The following TMPRSS11A variants were observed in gnomAD, a reference collection of about 807,000 sequenced individuals.
The protein encoded by TMPRSS11A is transmembrane protease serine 11A.
A neutral mutation model predicts 58.9 loss-of-function variants in TMPRSS11A; 53 were observed. The ratio of observed to expected loss-of-function variants is 0.90; its 90% CI spans 0.72 to 1.13. The LOEUF (loss-of-function observed/expected upper bound fraction) is 1.13. Ranked by LOEUF, TMPRSS11A falls within the 50% of genes most tolerant of loss-of-function variation. TMPRSS11A has a pLI of 0.00. For missense variants in TMPRSS11A, 493 were observed against 499.3 expected (o/e 0.99, Z 0.12); for synonymous variants, 167 against 169.8 (o/e 0.98, Z 0.13).
rs1349430374 is a variant in TMPRSS11A, at chr4:67,919,211, C to T, written c.714G>A (p.Trp238Ter). 2.5e-6 allele frequency: 4 copies of T among 1,613,784 alleles called. No individual in the cohort carries two copies. The highest frequency in any genetic ancestry group is 2.2e-5 in the East Asian group (1 of 44,880). Reference sequence around the variant, plus strand: ...TGATTTTTGTTCCAAAACTAACAGTCCATTGATGTGGATTTTTATACCTGG... The same window carrying T: ...TGATTTTTGTTCCAAAACTAACAGTTCATTGATGTGGATTTTTATACCTGG... ...CFQKYKNPHQ[W>*]TVSFGTKINP... Residue 238 changes from tryptophan (W) to a stop codon, truncating the protein, a stop_gained, in exon 8 of 10, where the codon TGG (tryptophan) becomes TGA (stop). Coordinates refer to ENST00000508048, the MANE Select transcript of TMPRSS11A (RefSeq NM_001114387.2). LOFTEE classifies it high-confidence loss of function.
intron 5 of TMPRSS11A, among the ~76,000 whole-genome samples, chr4:67,927,361 C>T (rs377645110): frequency 1.3e-5 from 2 of 152,218 alleles, no homozygotes; most frequent in Non-Finnish European, 2.9e-5. Flanking sequence ...GGTGCCACCA[C>T]ATTCCCAGGT....
intron 8 of TMPRSS11A, among the ~76,000 whole-genome samples, chr4:67,915,274 A>G (rs1720116715): frequency 6.6e-6 from 1 of 152,196 alleles, no homozygotes; most frequent in Non-Finnish European, 1.5e-5. Flanking sequence ...TGGTGGCTGC[A>G]GACTGTAAGC....
intron 1 of TMPRSS11A, among the ~76,000 whole-genome samples, chr4:67,947,133 TA>T (rs1721036058): frequency 6.6e-6 from 1 of 152,140 alleles, no homozygotes; most frequent in Non-Finnish European, 1.5e-5. Flanking sequence ...TAATGTGAAA[TA>T]AAACATCGTG....
In TMPRSS11A at chr4:67,909,495, A is replaced by G. The variant is rs562878146; in HGVS notation, c.*1847T>C. On this transcript the variant is annotated 3_prime_UTR_variant, in exon 10 of 10. Coordinates refer to ENST00000508048, the MANE Select transcript of TMPRSS11A (RefSeq NM_001114387.2). ...TGCACCAAATAGTTTAAAAATACAA[A>G]GTTCATAATTCTAAGATCATTTCCT... is the stretch of plus-strand genomic sequence containing the variant. The G allele has an allele frequency of 2.6e-5, 4 of 152,266 alleles. No homozygotes were observed. The East Asian group carries it at 7.7e-4, about 29-fold the overall frequency. The allele number at this position is 152,266 out of a possible 1,614,324, so 9.4% of individuals were successfully genotyped here.
At chr4:67,913,805 G>C (rs1320314221) in intron 9 of TMPRSS11A, among the ~76,000 whole-genome samples, 4 of 152,194 alleles carry the variant, frequency 2.6e-5, no homozygotes, top group Non-Finnish European at 4.4e-5. Context: ...TGGGACTCTG[G>C]ACAGGACTTT....
chr4:67,946,085 A>G (rs7654937), intron 2 of TMPRSS11A, among the ~76,000 whole-genome samples: 144,813 of 152,178 alleles, frequency 0.95, 69,349 homozygotes, highest in East Asian at 1. Flanking sequence ...ATTTATCATA[A>G]CTTTTCATTT....
At chr4:67,927,128 A>G (rs1720493615) in intron 5 of TMPRSS11A, among the ~76,000 whole-genome samples, 1 of 152,158 alleles carries the variant, frequency 6.6e-6, no homozygotes, top group Non-Finnish European at 1.5e-5. Flanking sequence ...TGCATACCTC[A>G]TTCTTCTTGG....
intron 4 of TMPRSS11A, among the ~76,000 whole-genome samples, chr4:67,930,959 T>C (rs1720601629): frequency 6.6e-6 from 1 of 151,866 alleles, no homozygotes; most frequent in African/African-American, 2.4e-5. Flanking sequence ...TCTAAATAAC[T>C]AGAATTTTAT....
chr4:67,914,656 A>G lies in TMPRSS11A; in HGVS notation c.1027T>C (p.Tyr343His). Reference protein sequence around the residue: ...SDDVCKQPQVYGNDIKPGMFC... With the variant: ...SDDVCKQPQVHGNDIKPGMFC... ...ATTCCAGGTTTTATATCATTGCCAT[A>G]CACCTGTGGTTGCTTGCAGACATCA... Residue 343 changes from tyrosine to histidine, a missense_variant, in exon 9 of 10, where the codon TAT becomes CAT. Coordinates refer to ENST00000508048, the MANE Select transcript of TMPRSS11A (RefSeq NM_001114387.2). 6.2e-7 allele frequency: 1 copy of G among 1,613,568 alleles called. No homozygotes were observed. The highest frequency in any genetic ancestry group is 8.5e-7 in the Non-Finnish European group (1 of 1,179,610).
In TMPRSS11A at chr4:67,914,651, G is replaced by A; in HGVS notation, c.1032C>T (p.Gly344=). The change falls in exon 9 of 10, where the codon GGC becomes GGT. Residue 344 remains glycine (G), a synonymous_variant. Coordinates refer to ENST00000508048, the MANE Select transcript of TMPRSS11A (RefSeq NM_001114387.2). ...DDVCKQPQVY[G]NDIKPGMFCA... ...AGAACATTCCAGGTTTTATATCATT[G>A]CCATACACCTGTGGTTGCTTGCAGA... The A allele has an allele frequency of 6.2e-7, 1 of 1,613,112 alleles. No individual in the cohort carries two copies. Among genetic ancestry groups the A allele is most frequent in the South Asian group, 1.1e-5 (1 of 91,000 alleles).
At chr4:67,927,519 G>A (rs999314041) in intron 5 of TMPRSS11A, among the ~76,000 whole-genome samples, 17 of 152,262 alleles carry the variant, frequency 1.1e-4, no homozygotes, top group Admixed American at 3.9e-4. Context: ...TGCTCGCTCA[G>A]ACAACCCTCA....
At chr4:67,942,723 T>C (rs1720909303) in intron 3 of TMPRSS11A, among the ~76,000 whole-genome samples, 2 of 152,164 alleles carry the variant, frequency 1.3e-5, no homozygotes, top group Admixed American at 1.3e-4. Flanking sequence ...CTAGTAATTC[T>C]GCTTGCAGAA....
chr4:67,958,138 A>G lies in TMPRSS11A; in HGVS notation c.11+5245T>C, dbSNP rs188052744. On this transcript the variant is annotated intron_variant, in intron 1 of 9. Coordinates refer to ENST00000508048, the MANE Select transcript of TMPRSS11A (RefSeq NM_001114387.2). ...AGTGCACTCATGGAGAACCTCTGCT[A>G]GGGAAGTGCAGAAGTGAACTATCAA... Among the ~76,000 whole-genome samples, 18 of 152,348 alleles carry G rather than the reference A, an allele frequency of 1.2e-4. No individual in the cohort carries two copies. The East Asian group carries it at 3.5e-3, about 29-fold the overall frequency.
intron 8 of TMPRSS11A, among the ~76,000 whole-genome samples, chr4:67,916,472 T>TACACACACAC (rs34678013): frequency 1.9e-4 from 29 of 150,206 alleles, no homozygotes; most frequent in East Asian, 1.4e-3. Context: ...ATATATATTA[T>TACACACACAC]ACACACACAC....
chr4:67,915,786 G>A (rs1720128779), intron 8 of TMPRSS11A, among the ~76,000 whole-genome samples: 1 of 152,182 alleles, frequency 6.6e-6, no homozygotes, highest in African/African-American at 2.4e-5. Context: ...AACCCCAGCT[G>A]ACACCTTGAT....
intron 3 of TMPRSS11A, among the ~76,000 whole-genome samples, chr4:67,943,970 T>G (rs906641617): frequency 6.6e-6 from 1 of 152,208 alleles, no homozygotes; most frequent in Non-Finnish European, 1.5e-5. Context: ...ATTATACAAC[T>G]GAGTGTGCTT....
At chr4:67,932,380 C>T (rs1325606095) in intron 3 of TMPRSS11A, among the ~76,000 whole-genome samples, 1 of 152,054 alleles carries the variant, frequency 6.6e-6, no homozygotes, top group Non-Finnish European at 1.5e-5. Flanking sequence ...TGCTAAAACA[C>T]CATAGAAGGA....
chr4:67,923,043 A>G (rs1223447107), intron 6 of TMPRSS11A, 117 bp from the exon 7 acceptor site: 1 of 853,402 alleles, frequency 1.2e-6, no homozygotes, highest in Non-Finnish European at 1.8e-6. Flanking sequence ...CAGGACACTT[A>G]CCCCACCTGT....
chr4:67,919,346 CAGTTAT>C, intron 7 of TMPRSS11A, 114 bp from the exon 8 acceptor site: 1 of 940,596 alleles, frequency 1.1e-6, no homozygotes, highest in African/African-American at 1.7e-5. Flanking sequence ...TACTTGGCTG[CAGTTAT>C]AGTTTTCTTT....
Sources: gnomAD v4.1 joint callset for allele counts (sites outside exome capture counted in the v4.1 genomes callset) on GRCh38, gnomAD v4.1.1 for gene constraint, MANE v1.5 for transcripts, NCBI Gene and HGNC (gene_info 2026-07-23, HGNC 2026-07-21) for gene names.